PDHA1: variants seen among roughly 807,000 people sequenced by gnomAD.
The protein encoded by PDHA1 is pyruvate dehydrogenase E1 component subunit alpha, somatic form, mitochondrial.
PDHA1 carries 1 observed loss-of-function variant against 33.0 expected under a neutral mutation model. That is an observed-to-expected ratio of 0.03 (90% CI 0.01 to 0.14). PDHA1 has a LOEUF of 0.14. Among genes scored for constraint, PDHA1 ranks in the 10% least tolerant of loss-of-function variants. PDHA1 has a pLI of 1.00. For missense variants in PDHA1, 168 were observed against 325.1 expected, an observed-to-expected ratio of 0.52 and a Z score of 3.72; for synonymous variants, 123 against 119.2, an observed-to-expected ratio of 1.03 and a Z score of -0.21.
rs377192586 is a variant in PDHA1 at position 19,355,335 on chromosome X, G to C, written c.604-14G>C. The C allele has an allele frequency of 7.4e-6, 9 of 1,209,500 alleles. No homozygotes were observed. The South Asian group carries it at 8.8e-5, about 12-fold the overall frequency. On this transcript the variant is annotated splice_polypyrimidine_tract_variant and intron_variant, in intron 6 of 10. Transcript: ENST00000422285. ...AAGAAGCCAAATGAAACCCCTTTTC[G>C]TAACTACTTCCAGGGCCAGATATTC...
intron 4 of PDHA1, 199 bp from the exon 5 acceptor site, chrX:19,352,883 A>C: frequency 2.1e-6 from 1 of 472,041 alleles, no homozygotes; most frequent in South Asian, 2.9e-5. Flanking sequence ...GAGTAGGAAA[A>C]GCTGGAAAGG....
intron 7 of PDHA1, 34 bp from the exon 8 acceptor site, chrX:19,355,652 A>G: frequency 8.6e-7 from 1 of 1,165,632 alleles, no homozygotes; most frequent in Non-Finnish European, 1.2e-6. Flanking sequence ...GGGCAGTTGG[A>G]TTCATGCTTC....
At chrX:19,344,283 C>T (rs996373508) in intron 1 of PDHA1, among the ~76,000 whole-genome samples, 189 bp downstream of exon 1, 1 of 112,944 alleles carries the variant, frequency 8.9e-6, no homozygotes, top group Non-Finnish European at 1.9e-5. Flanking sequence ...ACCGGGATCA[C>T]GCCAAGGTCC....
intron 3 of PDHA1, among the ~76,000 whole-genome samples, 190 bp downstream of exon 3, chrX:19,350,300 C>T (rs1294624466): frequency 5.4e-5 from 6 of 111,751 alleles, no homozygotes; most frequent in African/African-American, 2.0e-4. Context: ...GATCTTGGCT[C>T]ACTGCAGCCT....
intron 1 of PDHA1, among the ~76,000 whole-genome samples, chrX:19,345,126 C>T (rs2063122315): frequency 9.0e-6 from 1 of 111,225 alleles, no homozygotes; most frequent in Admixed American, 9.6e-5. Flanking sequence ...ATTCTGACCC[C>T]CCTAGGCACA....
intron 7 of PDHA1, 66 bp from the exon 8 acceptor site, chrX:19,355,620 C>T (rs1201779757): frequency 8.9e-7 from 1 of 1,119,913 alleles, no homozygotes; most frequent in Non-Finnish European, 1.2e-6. Context: ...AGGAGCAGGT[C>T]ATGTGAAAGT....
intron 9 of PDHA1, among the ~76,000 whole-genome samples, 200 bp from the exon 10 acceptor site, chrX:19,358,716 G>C (rs188441180): frequency 8.0e-5 from 9 of 111,835 alleles, no homozygotes; most frequent in Non-Finnish European, 1.5e-4. Flanking sequence ...GTTAGGCTGC[G>C]TTCTGGTATT....
At position 19,361,211 on chromosome X, in the gene PDHA1, T is replaced by C; in HGVS notation, c.*1558T>C. ...TTCAGTTTCTGCCCCACCTTGGCTTTTTCCCAGCTTGAACCTAATAGAACT... is the reference window on the plus strand; with the variant it reads ...TTCAGTTTCTGCCCCACCTTGGCTTCTTCCCAGCTTGAACCTAATAGAACT... On this transcript the variant is annotated 3_prime_UTR_variant, in exon 11 of 11. Transcript: ENST00000422285. The C allele has an allele frequency of 1.8e-6, 1 of 555,124 alleles. No individual in the cohort carries two copies. Among genetic ancestry groups the C allele is most frequent in the African/African-American group, 2.3e-5 (1 of 43,332 alleles). 45.7% of individuals were successfully genotyped at this position (555,124 alleles called of 1,213,427 possible). A position where few individuals can be genotyped will look rare whatever the true frequency, so the allele number is the denominator to read the frequency against.
At position 19,349,333 on chromosome X, in the gene PDHA1, T is replaced by C. The variant is rs1255803625; in HGVS notation, c.79T>C (p.Ser27Pro). The change falls in exon 2 of 11, where the codon TCC becomes CCC. Residue 27 changes from serine to proline, a missense_variant. Ser to Pro is a moderately conservative substitution (Grantham distance 74, BLOSUM62 -1). Around this residue, in one of 5 missense-constraint regions of PDHA1, gnomAD observed 46 missense variants for 47.4 expected, o/e 0.97. Transcript: ENST00000422285. ...TAAGGCAAGCAGAGTGCTGGTAGCATCCCGTAATTTTGCAAATGATGCTAC... is the reference window on the plus strand; with the variant it reads ...TAAGGCAAGCAGAGTGCTGGTAGCACCCCGTAATTTTGCAAATGATGCTAC... ...QKPASRVLVA[S>P]RNFANDATFE... is the part of the protein sequence containing the mutation. 8.4e-7 allele frequency: 1 copy of C among 1,191,248 alleles called. No individual in the cohort carries two copies. The highest frequency in any genetic ancestry group is 2.2e-5 in the Admixed American group (1 of 46,008).
chrX:19,359,880 T>C lies in PDHA1; in HGVS notation c.*227T>C. 2.3e-6 allele frequency: 1 copy of C among 431,100 alleles called. No individual in the cohort carries two copies. The highest frequency in any genetic ancestry group is 4.1e-6 in the Non-Finnish European group (1 of 243,540). 35.5% of individuals were successfully genotyped at this position (431,100 alleles called of 1,213,427 possible). A position where few individuals can be genotyped will look rare whatever the true frequency, so the allele number is the denominator to read the frequency against. On this transcript the variant is annotated 3_prime_UTR_variant, in exon 11 of 11. Transcript: ENST00000422285. ...ATTTTTGACTTAAAATAGTATACTT[T>C]GAACAAATACTCTAATTATGAAAAG...
At chrX:19,348,534 A>G (rs1427027606) in intron 1 of PDHA1, among the ~76,000 whole-genome samples, 1 of 112,844 alleles carries the variant, frequency 8.9e-6, no homozygotes, top group Non-Finnish European at 1.9e-5. Flanking sequence ...ATTTTTTCTT[A>G]CAGATCCAAT....
At chrX:19,346,965 T>C (rs1244681804) in intron 1 of PDHA1, among the ~76,000 whole-genome samples, 1 of 109,775 alleles carries the variant, frequency 9.1e-6, no homozygotes, top group African/African-American at 3.5e-5. Flanking sequence ...AAAGTTTTAC[T>C]TTTTTTTAAT....
Position 19,359,592 on chromosome X carries a change from G to C in PDHA1, c.1112G>C (p.Ser371Thr), listed in dbSNP as rs1358469747. ...LEELGYHIYS[S>T]DPPFEVRGAN... ...GAGCTGGGCTACCACATCTACTCCA[G>C]CGACCCACCTTTTGAAGTTCGTGGT... The change falls in exon 11 of 11, where the codon AGC (serine) becomes ACC (threonine). Residue 371 changes from serine (S) to threonine (T), a missense_variant. Coordinates refer to ENST00000422285, the MANE Select transcript of PDHA1 (RefSeq NM_000284.4). 4 of 1,211,501 alleles carry C rather than the reference G, an allele frequency of 3.3e-6. No individual in the cohort carries two copies. Among genetic ancestry groups the C allele is most frequent in the Non-Finnish European group, 4.5e-6 (4 of 895,284 alleles).
At chrX:19,355,258 G>A in intron 6 of PDHA1, 91 bp from the exon 7 acceptor site, 1 of 1,063,344 alleles carries the variant, frequency 9.4e-7, no homozygotes, top group Admixed American at 2.2e-5. Flanking sequence ...CTTTATGAAA[G>A]CTTTCTGTGC....
At chrX:19,359,337 C>T (rs980683568) in intron 10 of PDHA1, 152 bp from the exon 11 acceptor site, 26 of 523,868 alleles carry the variant, frequency 5.0e-5, no homozygotes, top group Non-Finnish European at 8.0e-5. Flanking sequence ...TAGATACACC[C>T]TAGAAATCTG....
At chrX:19,355,284 C>CTGTT in intron 6 of PDHA1, 65 bp from the exon 7 acceptor site, 1 of 1,116,909 alleles carries the variant, frequency 9.0e-7, no homozygotes, top group Non-Finnish European at 1.2e-6. Context: ...AGAGCAGCAG[C>CTGTT]TGTTAGAGAT....
At chrX:19,355,923 G>C (rs950020135) in intron 8 of PDHA1, among the ~76,000 whole-genome samples, 166 bp downstream of exon 8, 1 of 112,319 alleles carries the variant, frequency 8.9e-6, no homozygotes, top group Non-Finnish European at 1.9e-5. Flanking sequence ...GGTCTTGGTA[G>C]CTCACCTGCT....
At chrX:19,346,978 AT>A (rs927710784) in intron 1 of PDHA1, among the ~76,000 whole-genome samples, 157 of 105,249 alleles carry the variant, frequency 1.5e-3, no homozygotes, top group African/African-American at 4.3e-3. Flanking sequence ...TTTTTAATTA[AT>A]TTTTTTTTTT....
intron 1 of PDHA1, among the ~76,000 whole-genome samples, chrX:19,348,896 G>C (rs1006686985): frequency 2.7e-5 from 3 of 112,205 alleles, no homozygotes; most frequent in Non-Finnish European, 3.8e-5. Context: ...AGTGAGCCGA[G>C]ATCGCACCAC....
Sources: allele counts gnomAD v4.1 joint callset (sites outside exome capture counted in the v4.1 genomes callset), GRCh38; gene constraint gnomAD v4.1.1; regional missense constraint gnomAD v4.1.1; transcripts MANE v1.5; gene names NCBI Gene and HGNC (gene_info 2026-07-23, HGNC 2026-07-21).